The following CSMD1 variants were observed in gnomAD, a reference collection of about 807,000 sequenced individuals.
CSMD1 encodes the protein CUB and sushi domain-containing protein 1.
A neutral mutation model predicts 417.5 loss-of-function variants in CSMD1; 213 were observed. That is an observed-to-expected ratio of 0.51 (90% CI 0.46 to 0.57). CSMD1 has a LOEUF of 0.57. Ranked by LOEUF, CSMD1 falls within the 20% of genes least tolerant of loss-of-function variation. The probability of loss-of-function intolerance (pLI) is 0.00; values close to 1 mark genes in which losing one functional copy is unlikely to be tolerated. For synonymous variants in CSMD1, 2,862 were observed against 1,736.8 expected (o/e 1.65, Z -16.11); for missense variants, 6,923 against 4,529.7 (o/e 1.53, Z -15.17).
chr8:4,741,915 C>T (rs1810635073), intron 1 of CSMD1, among the ~76,000 whole-genome samples: 1 of 149,022 alleles, frequency 6.7e-6, no homozygotes, highest in South Asian at 2.2e-4. Flanking sequence ...CTCACTGCAG[C>T]TTCGACTTCC....
chr8:3,310,845 C>T (rs940620350), intron 23 of CSMD1, among the ~76,000 whole-genome samples: 6 of 151,324 alleles, frequency 4.0e-5, no homozygotes, highest in African/African-American at 7.3e-5. Flanking sequence ...CAATGTGACC[C>T]GAACTTCTCG....
chr8:4,434,026 G>C (rs1368758663), intron 2 of CSMD1, among the ~76,000 whole-genome samples: 1 of 152,076 alleles, frequency 6.6e-6, no homozygotes, highest in African/African-American at 2.4e-5. Context: ...TCAAAGATAT[G>C]ACAAGGAATT....
At chr8:3,970,991 TC>T (rs943894836) in intron 5 of CSMD1, among the ~76,000 whole-genome samples, 5 of 151,954 alleles carry the variant, frequency 3.3e-5, no homozygotes, top group African/African-American at 1.2e-4. Flanking sequence ...CCTCAGGTGA[TC>T]CCCCCGCCTC....
intron 5 of CSMD1, among the ~76,000 whole-genome samples, chr8:3,879,807 T>G (rs1806083758): frequency 6.7e-6 from 1 of 149,486 alleles, no homozygotes; most frequent in East Asian, 1.9e-4. Flanking sequence ...ATTTATTTCG[T>G]GTATAGAGTG....
chr8:4,620,009 G>A (rs1221256790), intron 2 of CSMD1, among the ~76,000 whole-genome samples: 1 of 151,840 alleles, frequency 6.6e-6, no homozygotes, highest in Non-Finnish European at 1.5e-5. Context: ...CTTAAGCATT[G>A]ATTTTATATA....
At chr8:3,905,323 G>C (rs898657373) in intron 5 of CSMD1, among the ~76,000 whole-genome samples, 1 of 152,142 alleles carries the variant, frequency 6.6e-6, no homozygotes, top group Admixed American at 6.5e-5. Flanking sequence ...ACAGGTACCT[G>C]ATCTTAAATC....
chr8:4,061,569 T>C (rs1378863039), intron 3 of CSMD1, among the ~76,000 whole-genome samples: 2 of 152,172 alleles, frequency 1.3e-5, no homozygotes, highest in African/African-American at 4.8e-5. Context: ...CCTCATGCTC[T>C]TGACTATGGT....
At position 4,264,632 on chromosome 8, in the gene CSMD1, G is replaced by A. The variant is rs145801615; in HGVS notation, c.415+155321C>T. 5.9e-5 allele frequency among the ~76,000 whole-genome samples: 9 copies of A among 152,224 alleles called. 1 individual carries two copies. The East Asian group carries it at 1.7e-3, about 29-fold the overall frequency. On this transcript the variant is annotated intron_variant, in intron 3 of 69. Coordinates refer to ENST00000635120, the MANE Select transcript of CSMD1 (RefSeq NM_033225.6). ...TAGCAGTAAGGGTTTCTCACCTGCT[G>A]TCCCACCCAGGTACATGACAGCCAT... is the stretch of plus-strand genomic sequence containing the variant.
intron 3 of CSMD1, among the ~76,000 whole-genome samples, chr8:4,275,854 C>T (rs1041147551): frequency 1.3e-5 from 2 of 152,114 alleles, no homozygotes; most frequent in East Asian, 3.9e-4. Flanking sequence ...ATATGTTATT[C>T]CACAAGGCAT....
chr8:3,798,939 T>C lies in CSMD1; in HGVS notation c.819-44897A>G, dbSNP rs75081373. ...GGAGTCAAGCTAAACATATCATATA[T>C]ATAAAAACTCTTTAGTAGATCCATT... On this transcript the variant is annotated intron_variant, in intron 5 of 69. Coordinates refer to ENST00000635120, the MANE Select transcript of CSMD1 (RefSeq NM_033225.6). Among the ~76,000 whole-genome samples the C allele has an allele frequency of 1.4e-4, 21 of 152,160 alleles. No individual in the cohort carries two copies. The East Asian group carries it at 3.5e-3, about 25-fold the overall frequency.
intron 7 of CSMD1, among the ~76,000 whole-genome samples, chr8:3,624,958 A>G (rs1796422989): frequency 6.6e-6 from 1 of 152,198 alleles, no homozygotes; most frequent in Admixed American, 6.5e-5. Flanking sequence ...ACTTGATTAG[A>G]TGACAATTTG....
chr8:4,962,427 C>T (rs994957134), intron 1 of CSMD1, among the ~76,000 whole-genome samples: 76 of 152,140 alleles, frequency 5.0e-4, no homozygotes, highest in African/African-American at 1.7e-3. Context: ...CCAAAGCTGG[C>T]CTTGAACTAC....
chr8:3,633,660 A>G (rs183612737), intron 7 of CSMD1, among the ~76,000 whole-genome samples: 1 of 152,346 alleles, frequency 6.6e-6, no homozygotes, highest in Non-Finnish European at 1.5e-5. Flanking sequence ...TTTCAATCTT[A>G]AGACATGAAA....
At chr8:4,859,822 C>G (rs1802019503) in intron 1 of CSMD1, among the ~76,000 whole-genome samples, 1 of 152,080 alleles carries the variant, frequency 6.6e-6, no homozygotes, top group Non-Finnish European at 1.5e-5. Context: ...GGACTGTAAA[C>G]TAGTTCAACC....
chr8:4,524,973 C>T (rs1317928880), intron 2 of CSMD1, among the ~76,000 whole-genome samples: 1 of 152,098 alleles, frequency 6.6e-6, no homozygotes, highest in Non-Finnish European at 1.5e-5. Context: ...GAACAACTTG[C>T]CACGTATTTT....
chr8:4,459,404 G>T (rs915069633), intron 2 of CSMD1, among the ~76,000 whole-genome samples: 1 of 152,224 alleles, frequency 6.6e-6, no homozygotes, highest in Non-Finnish European at 1.5e-5. Flanking sequence ...AGCAGAAGCT[G>T]AGAGTGTCTC....
In CSMD1 at chr8:4,787,842, G is replaced by A. The variant is rs1416086331; in HGVS notation, c.86-150284C>T. The A allele has an allele frequency of 2.0e-5, 32 of 1,569,848 alleles. No individual in the cohort carries two copies. The East Asian group carries it at 7.0e-4, about 34-fold the overall frequency. On this transcript the variant is annotated intron_variant, in intron 1 of 69. Coordinates refer to ENST00000635120, the MANE Select transcript of CSMD1 (RefSeq NM_033225.6). ...CACAGGCTATATTTGAAATGCTGGA[G>A]AAATCCTGGTTGCCCCAGAATTGTA...
chr8:4,918,622 G>A (rs945377879), intron 1 of CSMD1, among the ~76,000 whole-genome samples: 8 of 152,120 alleles, frequency 5.3e-5, no homozygotes, highest in Non-Finnish European at 1.0e-4. Flanking sequence ...GCTGAATCAC[G>A]TTACTTCAGA....
Position 3,817,469 on chromosome 8 carries a change from C to T in CSMD1, c.819-63427G>A, listed in dbSNP as rs554629100. The stretch of plus-strand genomic sequence containing the variant: ...CTCATTTTTGTGTTTTTAGTAGAGA[C>T]GGGGTTTCACCTCGTTAGCGAGGAT... On this transcript the variant is annotated intron_variant, in intron 5 of 69. Transcript: ENST00000635120. 7.3e-5 allele frequency among the ~76,000 whole-genome samples: 11 copies of T among 151,326 alleles called. No individual in the cohort carries two copies. In the South Asian group the frequency reaches 1.7e-3, roughly 23 times the overall value.
Sources: allele counts gnomAD v4.1 joint callset (sites outside exome capture counted in the v4.1 genomes callset), GRCh38; gene constraint gnomAD v4.1.1; transcripts MANE v1.5; gene names NCBI Gene and HGNC (gene_info 2026-07-23, HGNC 2026-07-21).